The following NEBL variants were observed in gnomAD, a reference collection of about 807,000 sequenced individuals.
The protein encoded by NEBL is nebulette, also known as LIM and SH3 protein 2.
NEBL carries 122 observed loss-of-function variants against 140.2 expected under a neutral mutation model. That is an observed-to-expected ratio of 0.87 (90% confidence interval 0.75 to 1.01). The LOEUF is 1.01. NEBL is among the 50% of genes least tolerant of loss of function. The probability of loss-of-function intolerance (pLI) is 0.00; values close to 1 mark genes in which losing one functional copy is unlikely to be tolerated. For missense variants in NEBL, 1,365 were observed against 1,231.3 expected (o/e 1.11, Z -1.62); for synonymous variants, 436 against 398.9 (o/e 1.09, Z -1.11).
At chr10:21,191,988 G>C (rs1252240678) in intron 3 of NEBL, among the ~76,000 whole-genome samples, 1 of 152,086 alleles carries the variant, frequency 6.6e-6, no homozygotes, top group African/African-American at 2.4e-5. Context: ...AGTATTAAAG[G>C]GTTATTGATT....
intron 2 of NEBL, chr10:21,069,874 A>G (rs1835735538): frequency 2.5e-6 from 1 of 402,994 alleles, no homozygotes; most frequent in South Asian, 1.8e-5. Flanking sequence ...AGATTAAAAC[A>G]AGTTTTTTAA....
At chr10:20,854,713 T>C (rs1588822728) in intron 9 of NEBL, among the ~76,000 whole-genome samples, 1 of 151,606 alleles carries the variant, frequency 6.6e-6, no homozygotes, top group African/African-American at 2.4e-5. Context: ...TATAGGTGCA[T>C]GTCACCATGC....
intron 3 of NEBL, among the ~76,000 whole-genome samples, chr10:20,978,216 C>G (rs961125375): frequency 6.6e-6 from 1 of 152,176 alleles, no homozygotes; most frequent in Non-Finnish European, 1.5e-5. Flanking sequence ...TTCCCCAACA[C>G]TTCCCTGGTC....
intron 2 of NEBL, among the ~76,000 whole-genome samples, chr10:21,037,956 G>A (rs964820212): frequency 4.6e-5 from 7 of 152,114 alleles, no homozygotes; most frequent in South Asian, 2.1e-4. Flanking sequence ...CCAGCAGAAC[G>A]AGCAAAAATG....
chr10:20,810,809 T>G (rs1838066258), intron 24 of NEBL, among the ~76,000 whole-genome samples: 1 of 152,174 alleles, frequency 6.6e-6, no homozygotes, highest in African/African-American at 2.4e-5. Flanking sequence ...AACTGGAAAT[T>G]TGCTTGTCTG....
At chr10:20,973,441 G>T (rs924083060) in intron 3 of NEBL, among the ~76,000 whole-genome samples, 2 of 151,722 alleles carry the variant, frequency 1.3e-5, no homozygotes, top group African/African-American at 4.8e-5. Flanking sequence ...GTAGAGACAG[G>T]GTCACACTAT....
At chr10:21,239,014 G>A (rs1475820651) in intron 3 of NEBL, among the ~76,000 whole-genome samples, 3 of 152,090 alleles carry the variant, frequency 2.0e-5, no homozygotes, top group African/African-American at 7.2e-5. Context: ...AGAATGCCAG[G>A]CCTGAAACTC....
In NEBL at chr10:20,780,519, G is replaced by A. The variant is rs939430407; in HGVS notation, c.*5228C>T. ...ACTGAAGGCAGCACACACCTCTGAT[G>A]CGATTTGATGTGAGTTGTCATGTTA... is the stretch of plus-strand genomic sequence containing the variant. On this transcript the variant is annotated 3_prime_UTR_variant, in exon 28 of 28. Coordinates refer to ENST00000377122, the MANE Select transcript of NEBL (RefSeq NM_006393.3). 3 of 152,134 alleles carry A rather than the reference G, an allele frequency of 2.0e-5. No individual in the cohort carries two copies. The highest frequency in any genetic ancestry group is 4.4e-5 in the Non-Finnish European group (3 of 68,040). The allele number at this position is 152,134 out of a possible 1,614,324, so 9.4% of individuals were successfully genotyped here.
Position 21,020,480 on chromosome 10 carries a change from G to A in NEBL, c.165-279C>T, listed in dbSNP as rs1001040622. ...GCTCAAGGTTCTCCTAACCTCCACC[G>A]TTCCTGCACCCCACACACCCTTCCA... On this transcript the variant is annotated intron_variant, in intron 2 of 6. Coordinates refer to the NEBL transcript ENST00000417816. 9.9e-5 allele frequency among the ~76,000 whole-genome samples: 15 copies of A among 151,824 alleles called. No homozygotes were observed. In the East Asian group the frequency reaches 1.4e-3, roughly 14 times the overall value.
At chr10:21,149,764 G>T (rs1281161786) in intron 2 of NEBL, among the ~76,000 whole-genome samples, 1 of 152,200 alleles carries the variant, frequency 6.6e-6, no homozygotes, top group Non-Finnish European at 1.5e-5. Flanking sequence ...ATTGGAAGTG[G>T]GTGACGGGGG....
intron 4 of NEBL, among the ~76,000 whole-genome samples, chr10:20,941,222 A>G (rs1834844739): frequency 1.3e-5 from 2 of 152,246 alleles, no homozygotes; most frequent in South Asian, 4.1e-4. Flanking sequence ...GCAGCACTTC[A>G]AAAAGCTTAT....
At chr10:20,818,304 G>A (rs201043505) in intron 20 of NEBL, among the ~76,000 whole-genome samples, 1 of 148,864 alleles carries the variant, frequency 6.7e-6, no homozygotes, top group Non-Finnish European at 1.5e-5. Flanking sequence ...TAGCTGGGTG[G>A]GGGGGCTGGG....
intron 1 of NEBL, among the ~76,000 whole-genome samples, chr10:21,264,965 G>C (rs914595864): frequency 2.6e-5 from 4 of 151,652 alleles, no homozygotes; most frequent in African/African-American, 9.7e-5. Context: ...TTTTGAGACA[G>C]AGTCTAGAGT....
intron 26 of NEBL, among the ~76,000 whole-genome samples, chr10:20,805,076 C>A (rs1172139754): frequency 6.6e-6 from 1 of 152,116 alleles, no homozygotes; most frequent in African/African-American, 2.4e-5. Context: ...TGTCATGGTC[C>A]AGCTGACAAG....
intron 2 of NEBL, among the ~76,000 whole-genome samples, chr10:21,105,335 C>T (rs954986441): frequency 1.3e-5 from 2 of 152,050 alleles, no homozygotes; most frequent in Non-Finnish European, 2.9e-5. Flanking sequence ...ATCCCTCCCC[C>T]AGTCCCCTAC....
At chr10:20,981,306 G>GAA (rs555810368) in intron 3 of NEBL, among the ~76,000 whole-genome samples, 4 of 130,462 alleles carry the variant, frequency 3.1e-5, no homozygotes, top group African/African-American at 8.2e-5. Context: ...GGCCAGAAAA[G>GAA]AAAAAAAAAA....
At chr10:20,937,116 G>A (rs989169225) in intron 4 of NEBL, among the ~76,000 whole-genome samples, 3 of 152,064 alleles carry the variant, frequency 2.0e-5, no homozygotes, top group Admixed American at 2.0e-4. Flanking sequence ...CCTACATGAG[G>A]GCACACAGAC....
intron 2 of NEBL, among the ~76,000 whole-genome samples, chr10:21,064,217 C>CA (rs11453507): frequency 0.4 from 60,236 of 151,990 alleles, 14,307 homozygotes; most frequent in Non-Finnish European, 0.52. Flanking sequence ...GAGTTAACGT[C>CA]AAAAAAATTG....
At chr10:20,983,122 C>A (rs1200206514) in intron 3 of NEBL, among the ~76,000 whole-genome samples, 1 of 152,114 alleles carries the variant, frequency 6.6e-6, no homozygotes, top group African/African-American at 2.4e-5. Flanking sequence ...TGGGCCTATC[C>A]CATGGTGAGA....
Sources: gnomAD v4.1 joint callset for allele counts (sites outside exome capture counted in the v4.1 genomes callset) on GRCh38, gnomAD v4.1.1 for gene constraint, MANE v1.5 for transcripts, NCBI Gene and HGNC (gene_info 2026-07-23, HGNC 2026-07-21) for gene names.